The following TTC29 variants were observed in gnomAD, a reference collection of about 807,000 sequenced individuals.
TTC29 encodes the protein tetratricopeptide repeat protein 29.
TTC29 carries 49 observed loss-of-function variants against 58.1 expected under a neutral mutation model. That is an observed-to-expected ratio of 0.84 (90% CI 0.67 to 1.07). The LOEUF is 1.07. TTC29 is among the 50% of genes least tolerant of loss of function. The probability of loss-of-function intolerance (pLI) is 0.00; values close to 1 mark genes in which losing one functional copy is unlikely to be tolerated. For synonymous variants in TTC29, 209 were observed against 196.8 expected (o/e 1.06, Z -0.52); for missense variants, 582 against 555.6 (o/e 1.05, Z -0.48).
At chr4:146,733,515 A>C (rs1313691749) in intron 11 of TTC29, among the ~76,000 whole-genome samples, 2 of 152,100 alleles carry the variant, frequency 1.3e-5, no homozygotes, top group African/African-American at 2.4e-5. Flanking sequence ...GGACTTTAAG[A>C]AGCATATTTT....
chr4:146,942,753 T>C (rs1736528674), intron 2 of TTC29: 1 of 756,164 alleles, frequency 1.3e-6, no homozygotes, highest in Non-Finnish European at 2.0e-6. Flanking sequence ...CCATCCTCTA[T>C]AAATTTTAGA....
chr4:146,852,648 C>T (rs1729586070), intron 8 of TTC29, among the ~76,000 whole-genome samples: 1 of 152,180 alleles, frequency 6.6e-6, no homozygotes, highest in Non-Finnish European at 1.5e-5. Flanking sequence ...GCTCTTGCTC[C>T]CTATTGTAAG....
chr4:146,849,667 A>G (rs1460455465), intron 8 of TTC29, among the ~76,000 whole-genome samples: 3 of 151,128 alleles, frequency 2.0e-5, no homozygotes, highest in Non-Finnish European at 4.4e-5. Flanking sequence ...ACCCCTTTTC[A>G]CTTAGAAAAA....
intron 6 of TTC29, among the ~76,000 whole-genome samples, chr4:146,889,742 C>T (rs1732225002): frequency 6.6e-6 from 1 of 152,006 alleles, no homozygotes; most frequent in Admixed American, 6.6e-5. Context: ...TATGTTTTTA[C>T]CTTTTTTGGA....
At position 146,727,084 on chromosome 4, in the gene TTC29, T is replaced by C. The variant is rs1292216743; in HGVS notation, c.1331-19533A>G. ...AAAGATAAAATGATATATATTTATA[T>C]AAAATATATAATATAAATTTGTGTT... On this transcript the variant is annotated intron_variant, in intron 11 of 12. Coordinates refer to ENST00000325106, the MANE Select transcript of TTC29 (RefSeq NM_031956.4). Among the ~76,000 whole-genome samples, 6 of 150,894 alleles carry C rather than the reference T, an allele frequency of 4.0e-5. No homozygotes were observed. The South Asian group carries it at 6.2e-4, about 16-fold the overall frequency.
chr4:146,935,822 T>C (rs1359645593), intron 4 of TTC29, among the ~76,000 whole-genome samples: 5 of 152,242 alleles, frequency 3.3e-5, no homozygotes, highest in African/African-American at 1.2e-4. Flanking sequence ...TTTTTAGAGC[T>C]GAATGGCTAT....
At chr4:146,898,903 T>C (rs1415113641) in intron 6 of TTC29, among the ~76,000 whole-genome samples, 1 of 152,224 alleles carries the variant, frequency 6.6e-6, no homozygotes, top group Non-Finnish European at 1.5e-5. Flanking sequence ...CAAAGAAGGC[T>C]GGCCTCCTGC....
intron 11 of TTC29, among the ~76,000 whole-genome samples, chr4:146,796,385 C>T (rs544341017): frequency 9.9e-5 from 15 of 152,108 alleles, no homozygotes; most frequent in Admixed American, 2.0e-4. Flanking sequence ...ATCATGTAGT[C>T]TAATCACCTC....
At chr4:146,802,008 A>AAAAG (rs1561138307) in intron 11 of TTC29, among the ~76,000 whole-genome samples, 4 of 143,264 alleles carry the variant, frequency 2.8e-5, no homozygotes, top group Admixed American at 7.0e-5. Context: ...AAAAAAAAAA[A>AAAAG]AGAGACTTTT....
At chr4:146,711,466 G>A (rs1354407736) in intron 11 of TTC29, among the ~76,000 whole-genome samples, 12 of 152,072 alleles carry the variant, frequency 7.9e-5, no homozygotes, top group African/African-American at 2.7e-4. Flanking sequence ...CATTAGCTAC[G>A]CCGGTCCTGC....
In TTC29 at chr4:146,883,783, C is replaced by G. The variant is rs988157125; in HGVS notation, c.587-8855G>C. On this transcript the variant is annotated intron_variant, in intron 6 of 12. Transcript: ENST00000325106. ...CTTCCTCTCCGTGCTACTCGTTAAG[C>G]AGTAAATAATTAAAACACCCTGAAA... Among the ~76,000 whole-genome samples, 43 of 151,862 alleles carry G rather than the reference C, an allele frequency of 2.8e-4. No individual in the cohort carries two copies. In the Middle Eastern group the frequency reaches 0.01, roughly 36 times the overall value.
At chr4:146,737,349 G>T (rs542982284) in intron 11 of TTC29, among the ~76,000 whole-genome samples, 1 of 152,246 alleles carries the variant, frequency 6.6e-6, no homozygotes, top group Admixed American at 6.5e-5. Context: ...AGATATTCCT[G>T]TGTGTTTCCC....
chr4:146,724,188 T>C (rs1464391118), intron 11 of TTC29, among the ~76,000 whole-genome samples: 1 of 152,072 alleles, frequency 6.6e-6, no homozygotes, highest in Non-Finnish European at 1.5e-5. Context: ...CTCATAGACA[T>C]AAAGATGGCA....
intron 11 of TTC29, among the ~76,000 whole-genome samples, chr4:146,734,447 A>T (rs188223381): frequency 1.3e-5 from 2 of 152,244 alleles, no homozygotes; most frequent in African/African-American, 4.8e-5. Flanking sequence ...TGTTTCCCTG[A>T]GTTCTGTGAG....
chr4:146,820,372 G>T, intron 9 of TTC29, 124 bp from the exon 10 acceptor site: 1 of 1,079,258 alleles, frequency 9.3e-7, no homozygotes, highest in Non-Finnish European at 1.3e-6. Context: ...AAGATTTAAT[G>T]TGTAAATACC....
chr4:146,825,262 C>T (rs1242999319), intron 9 of TTC29, among the ~76,000 whole-genome samples: 2 of 152,170 alleles, frequency 1.3e-5, no homozygotes, highest in Middle Eastern at 3.2e-3. Flanking sequence ...GCCCTTTTAA[C>T]ACTGCTTTAG....
At chr4:146,915,133 T>C (rs934619468) in intron 4 of TTC29, among the ~76,000 whole-genome samples, 14 of 152,144 alleles carry the variant, frequency 9.2e-5, no homozygotes, top group African/African-American at 3.4e-4. Flanking sequence ...CCCAAAGCCA[T>C]ACAAGTTATT....
At chr4:146,771,510 ATTTGG>A (rs1747724703) in intron 11 of TTC29, among the ~76,000 whole-genome samples, 1 of 151,930 alleles carries the variant, frequency 6.6e-6, no homozygotes, top group Non-Finnish European at 1.5e-5. Flanking sequence ...AACATGCAGT[ATTTGG>A]TTTTCTGTTT....
intron 9 of TTC29, chr4:146,831,819 A>T (rs1373105504): frequency 2.4e-6 from 1 of 412,564 alleles, no homozygotes; most frequent in Non-Finnish European, 5.0e-6. Context: ...AATAATTATA[A>T]AGACCATCAG....
Sources: gnomAD v4.1 joint callset for allele counts (sites outside exome capture counted in the v4.1 genomes callset) on GRCh38, gnomAD v4.1.1 for gene constraint, MANE v1.5 for transcripts, NCBI Gene and HGNC (gene_info 2026-07-23, HGNC 2026-07-21) for gene names.